WDR20: variants seen among roughly 807,000 people sequenced by gnomAD.
The protein encoded by WDR20 is WD repeat-containing protein 20.
Under a neutral mutation model 38.7 loss-of-function variants are expected in WDR20, and 3 were observed. That is an observed-to-expected ratio of 0.08 (90% CI 0.04 to 0.20). The LOEUF is 0.20. Among genes scored for constraint, WDR20 ranks in the 10% least tolerant of loss-of-function variants. WDR20 has a pLI of 1.00. For missense variants in WDR20, 559 were observed against 727.7 expected, an observed-to-expected ratio of 0.77 and a Z score of 2.67; for synonymous variants, 298 against 285.6, an observed-to-expected ratio of 1.04 and a Z score of -0.44.
chr14:102,188,121 G>A (rs753669858), intron 1 of WDR20, among the ~76,000 whole-genome samples: 10 of 152,164 alleles, frequency 6.6e-5, no homozygotes, highest in Non-Finnish European at 1.2e-4. Context: ...TTAAAATTAT[G>A]TCTAAGATTA....
chr14:102,221,376 G>A lies in WDR20; in HGVS notation c.1693-1454G>A, dbSNP rs1276073134. The stretch of plus-strand genomic sequence containing the variant: ...TGGAAAGCACTTTCTTAGGGTGCGC[G>A]TGGTGATGAAGGCAGAGTGTCCTGT... On this transcript the variant is annotated intron_variant, in intron 3 of 3. Coordinates refer to the WDR20 transcript ENST00000335263. This position sits in a 1 kb window ranked among gnomAD's most constrained non-coding sequence, Gnocchi z 4.8. Among the ~76,000 whole-genome samples the A allele has an allele frequency of 1.3e-5, 2 of 152,224 alleles. No homozygotes were observed. Among genetic ancestry groups the A allele is most frequent in the Admixed American group, 6.5e-5 (1 of 15,278 alleles).
intron 1 of WDR20, among the ~76,000 whole-genome samples, chr14:102,172,877 TCTC>T (rs2061230226): frequency 1.5e-5 from 2 of 137,792 alleles, no homozygotes; most frequent in South Asian, 4.6e-4. Context: ...AGGCGGAGGG[TCTC>T]CTCCTTTCTC....
intron 1 of WDR20, among the ~76,000 whole-genome samples, chr14:102,143,218 G>T (rs1457725845): frequency 6.6e-6 from 1 of 152,146 alleles, no homozygotes; most frequent in Admixed American, 6.5e-5. Flanking sequence ...CCACCTTTTT[G>T]ATCACAGGGA....
chr14:102,140,310 T>G, intron 1 of WDR20, 138 bp downstream of exon 1: 1 of 1,366,866 alleles, frequency 7.3e-7, no homozygotes, highest in South Asian at 1.4e-5. Context: ...TCCACTGGGG[T>G]ACTCCTGAGG....
intron 1 of WDR20, among the ~76,000 whole-genome samples, chr14:102,173,706 A>G (rs1054498212): frequency 3.3e-5 from 5 of 151,724 alleles, no homozygotes; most frequent in African/African-American, 4.8e-5. Flanking sequence ...CCCACTTACA[A>G]GTGAGAACGT....
chr14:102,212,472 ACT>A (rs1404587725), downstream of WDR20: 7 of 1,531,644 alleles, frequency 4.6e-6, no homozygotes, highest in Middle Eastern at 1.7e-4. Context: ...GGGCGACACC[ACT>A]CTGTGTCCAC....
chr14:102,214,094 G>A (rs1251307439), downstream of WDR20: 6 of 985,460 alleles, frequency 6.1e-6, no homozygotes, highest in Non-Finnish European at 7.2e-6. Flanking sequence ...GCGGCGGTCG[G>A]TGTGCCCTTG....
At position 102,190,558 on chromosome 14, in the gene WDR20, A is replaced by C. The variant is rs150732854; in HGVS notation, c.250-4380A>C. ...CAGTGAGCCAAGATCACACCATTGC[A>C]CTCCAGCCTGGGCAACAAGAGGGAA... On this transcript the variant is annotated intron_variant, in intron 1 of 2. Coordinates refer to ENST00000342702, the MANE Select transcript of WDR20 (RefSeq NM_144574.4). 4.6e-3 allele frequency among the ~76,000 whole-genome samples: 694 copies of C among 152,058 alleles called. 6 individuals carry two copies. The highest frequency in any genetic ancestry group is 0.016 in the African/African-American group (643 of 41,476).
At chr14:102,141,212 G>C (rs1177872510) in intron 1 of WDR20, among the ~76,000 whole-genome samples, 1 of 152,122 alleles carries the variant, frequency 6.6e-6, no homozygotes, top group African/African-American at 2.4e-5. Flanking sequence ...CCTCCAAATA[G>C]GACAAGGTGA....
chr14:102,199,113 C>T (rs2059887848), intron 2 of WDR20, among the ~76,000 whole-genome samples: 1 of 152,046 alleles, frequency 6.6e-6, no homozygotes, highest in African/African-American at 2.4e-5. Flanking sequence ...TTCAAAGGGG[C>T]ACTTAACACA....
intron 1 of WDR20, among the ~76,000 whole-genome samples, chr14:102,172,433 A>G (rs1326193117): frequency 6.6e-6 from 1 of 151,374 alleles, no homozygotes; most frequent in East Asian, 1.9e-4. Context: ...CACACCTCCC[A>G]GACGGGGTGG....
At chr14:102,174,122 A>T (rs561770260) in intron 1 of WDR20, among the ~76,000 whole-genome samples, 6 of 151,232 alleles carry the variant, frequency 4.0e-5, no homozygotes, top group African/African-American at 1.5e-4. Flanking sequence ...TATTATTGTT[A>T]CATTTTCTTT....
chr14:102,181,809 G>A (rs2063450889), intron 1 of WDR20, among the ~76,000 whole-genome samples: 1 of 151,972 alleles, frequency 6.6e-6, no homozygotes, highest in African/African-American at 2.4e-5. Flanking sequence ...TTGTTGACAA[G>A]CGTTAAGTTT....
chr14:102,157,628 A>G (rs1232788502), intron 1 of WDR20, among the ~76,000 whole-genome samples: 1 of 152,192 alleles, frequency 6.6e-6, no homozygotes, highest in East Asian at 1.9e-4. Flanking sequence ...CAATTGCAGC[A>G]GGAACTTTAG....
rs1264888837 is a variant in WDR20 at position 102,221,949 on chromosome 14, G to A, written c.1693-881G>A. Among the ~76,000 whole-genome samples, 10 of 152,262 alleles carry A rather than the reference G, an allele frequency of 6.6e-5. 1 individual carries two copies. The highest frequency in any genetic ancestry group is 6.2e-4 in the South Asian group (3 of 4,822). On this transcript the variant is annotated intron_variant, in intron 3 of 3. Transcript: ENST00000335263. The surrounding 1 kb of genome is among the most constrained non-coding windows in gnomAD (Gnocchi z 4.8). Reference sequence around the variant, plus strand: ...ATCTTAATGTTCTTCATAAATGAACGCCACACTTTGATGTAATGTAATTGC... The same window carrying A: ...ATCTTAATGTTCTTCATAAATGAACACCACACTTTGATGTAATGTAATTGC...
intron 1 of WDR20, among the ~76,000 whole-genome samples, chr14:102,169,014 T>G (rs1369466549): frequency 1.3e-5 from 2 of 152,222 alleles, no homozygotes; most frequent in Non-Finnish European, 2.9e-5. Context: ...GCGCTTAGAA[T>G]AAGATCTGAA....
intron 1 of WDR20, among the ~76,000 whole-genome samples, chr14:102,187,995 C>T (rs371893448): frequency 6.6e-6 from 1 of 152,156 alleles, no homozygotes; most frequent in Non-Finnish European, 1.5e-5. Flanking sequence ...TCTGGCAAGA[C>T]TCTGCAAGAC....
At chr14:102,168,888 A>G (rs549466735) in intron 1 of WDR20, among the ~76,000 whole-genome samples, 2 of 152,114 alleles carry the variant, frequency 1.3e-5, no homozygotes, top group Non-Finnish European at 2.9e-5. Context: ...CTGGCTGCCC[A>G]CCTCTATCCT....
At chr14:102,216,189 G>A (rs1338144782), downstream of WDR20, among the ~76,000 whole-genome samples, 1 of 152,200 alleles carries the variant, frequency 6.6e-6, no homozygotes, top group Non-Finnish European at 1.5e-5. Context: ...TGCACTTTTT[G>A]TCTTGAGTCT....
Sources: gnomAD v4.1 joint callset for allele counts (sites outside exome capture counted in the v4.1 genomes callset) on GRCh38, gnomAD v4.1.1 for gene constraint, Gnocchi (gnomAD v3.1) non-coding constraint, MANE v1.5 for transcripts, NCBI Gene and HGNC (gene_info 2026-07-23, HGNC 2026-07-21) for gene names.